The following TOX2 variants were observed in gnomAD, a reference collection of about 807,000 sequenced individuals.
TOX2 encodes granulosa cell HMG box 1.
In TOX2, 15 loss-of-function variants were observed where a neutral mutation model predicts 47.4. The observed-to-expected ratio is 0.32, with a 90% confidence interval of 0.21 to 0.49. TOX2 has a LOEUF of 0.49. Ranked by LOEUF, TOX2 falls within the 20% of genes least tolerant of loss-of-function variation. The pLI is 0.99. For synonymous variants in TOX2, 290 were observed against 296.6 expected (o/e 0.98, Z 0.23); for missense variants, 622 against 673.1 (o/e 0.92, Z 0.84).
At chr20:43,993,478 G>A (rs1274765229) in intron 2 of TOX2, among the ~76,000 whole-genome samples, 1 of 151,852 alleles carries the variant, frequency 6.6e-6, no homozygotes, top group Non-Finnish European at 1.5e-5. Flanking sequence ...GAGAGAGGGA[G>A]GAATTGAACA....
chr20:44,016,943 A>G (rs2070889920), intron 3 of TOX2, among the ~76,000 whole-genome samples: 1 of 152,258 alleles, frequency 6.6e-6, no homozygotes, highest in South Asian at 2.1e-4. Context: ...ACAGAAAACC[A>G]TGATGAACAA....
At chr20:43,967,504 G>A (rs1268780927) in intron 1 of TOX2, among the ~76,000 whole-genome samples, 2 of 151,808 alleles carry the variant, frequency 1.3e-5, no homozygotes, top group Non-Finnish European at 2.9e-5. Context: ...ATCTATCCAC[G>A]CATCCCCAAC....
intron 1 of TOX2, among the ~76,000 whole-genome samples, chr20:43,961,833 C>T (rs1323539410): frequency 1.3e-5 from 2 of 152,022 alleles, no homozygotes; most frequent in Admixed American, 6.6e-5. Flanking sequence ...ACAGCAGAAG[C>T]CCAGAGAAAG....
intron 2 of TOX2, among the ~76,000 whole-genome samples, chr20:44,004,046 A>T (rs2070634696): frequency 6.6e-6 from 1 of 152,226 alleles, no homozygotes. Flanking sequence ...GGATAGTGGC[A>T]GTGGGAAAGA....
chr20:44,045,484 T>C (rs531298333), intron 3 of TOX2, among the ~76,000 whole-genome samples: 2 of 152,330 alleles, frequency 1.3e-5, no homozygotes, highest in East Asian at 3.9e-4. Flanking sequence ...TTTTCCACAC[T>C]GTGTGTATGT....
At chr20:43,969,616 G>A (rs1293167474) in intron 1 of TOX2, among the ~76,000 whole-genome samples, 1 of 152,248 alleles carries the variant, frequency 6.6e-6, no homozygotes, top group African/African-American at 2.4e-5. Flanking sequence ...GCTCCGATGT[G>A]GTGGAACCCT....
At chr20:43,959,212 G>A (rs1180870800) in intron 1 of TOX2, among the ~76,000 whole-genome samples, 1 of 152,220 alleles carries the variant, frequency 6.6e-6, no homozygotes, top group Non-Finnish European at 1.5e-5. Flanking sequence ...ATCTGAGGAC[G>A]AGAGGGGTAA....
intron 1 of TOX2, among the ~76,000 whole-genome samples, chr20:43,959,934 C>T (rs891001313): frequency 1.3e-5 from 2 of 152,188 alleles, no homozygotes; most frequent in Non-Finnish European, 1.5e-5. Flanking sequence ...GGCAGGAGTA[C>T]AGCCTTCTCA....
intron 1 of TOX2, chr20:43,945,984 CGGG>C: frequency 6.2e-7 from 1 of 1,614,130 alleles, no homozygotes; most frequent in Non-Finnish European, 8.5e-7. Context: ...GAATGAGACT[CGGG>C]CTCCTTCTAC....
rs566236616 is a variant in TOX2 at position 43,974,013 on chromosome 20, A to G, written c.165+581A>G. Among the ~76,000 whole-genome samples the G allele has an allele frequency of 2.6e-5, 4 of 152,174 alleles. No homozygotes were observed. The South Asian group carries it at 8.3e-4, about 32-fold the overall frequency. On this transcript the variant is annotated intron_variant, in intron 2 of 8. Transcript: ENST00000341197. ...GGTCATAGTTGCCAGTTGGAATCAG[A>G]TTTTCCACTGAGAGCCTGGTCTCTG...
chr20:44,043,306 G>T (rs376920741), intron 3 of TOX2, among the ~76,000 whole-genome samples: 1 of 152,132 alleles, frequency 6.6e-6, no homozygotes, highest in South Asian at 2.1e-4. Flanking sequence ...CCATATTGTT[G>T]TTGCTGCTGC....
intron 1 of TOX2, chr20:43,945,762 G>T: frequency 8.8e-7 from 1 of 1,137,646 alleles, no homozygotes; most frequent in Non-Finnish European, 1.2e-6. Flanking sequence ...TTTGATAAAA[G>T]AGGTTAAATA....
intron 1 of TOX2, among the ~76,000 whole-genome samples, chr20:43,963,474 C>T (rs779501330): frequency 5.6e-4 from 85 of 152,164 alleles, no homozygotes; most frequent in Non-Finnish European, 9.8e-4. Flanking sequence ...CTCTGGTTCA[C>T]GTGGCTTGGA....
chr20:43,949,751 C>A (rs904113631), intron 1 of TOX2, among the ~76,000 whole-genome samples: 2 of 152,188 alleles, frequency 1.3e-5, no homozygotes, highest in Non-Finnish European at 2.9e-5. Flanking sequence ...TTGCCCCCAC[C>A]GTCTAGCCGC....
chr20:44,024,064 A>G (rs574279889), intron 3 of TOX2, among the ~76,000 whole-genome samples: 6 of 152,256 alleles, frequency 3.9e-5, no homozygotes, highest in South Asian at 2.1e-4. Flanking sequence ...TATTACACTG[A>G]GTTCTCCTGA....
At chr20:43,932,783 C>CGCCCG (rs1555830049) in intron 1 of TOX2, among the ~76,000 whole-genome samples, 3,605 of 149,068 alleles carry the variant, frequency 0.024, 148 homozygotes, top group African/African-American at 0.083. Flanking sequence ...TGCCCCCCCC[C>CGCCCG]GCCATTTCTG....
intron 2 of TOX2, among the ~76,000 whole-genome samples, chr20:43,997,036 G>A (rs150900467): frequency 3.3e-5 from 5 of 152,274 alleles, no homozygotes; most frequent in African/African-American, 1.2e-4. Context: ...GGGAGTGAAT[G>A]CCACTTCTCC....
intron 1 of TOX2, chr20:43,945,955 C>T (rs267605944): frequency 4.4e-5 from 71 of 1,613,876 alleles, no homozygotes; most frequent in South Asian, 5.5e-5. Flanking sequence ...CGCGTTCTCT[C>T]GCTGCCTGGG....
chr20:43,949,549 G>A (rs960492500), intron 1 of TOX2, among the ~76,000 whole-genome samples: 10 of 152,178 alleles, frequency 6.6e-5, no homozygotes, highest in African/African-American at 2.4e-4. Context: ...CAGTCCACAA[G>A]CTAGCTTCTG....
Sources: gnomAD v4.1 joint callset for allele counts (sites outside exome capture counted in the v4.1 genomes callset) on GRCh38, gnomAD v4.1.1 for gene constraint, MANE v1.5 for transcripts, NCBI Gene and HGNC (gene_info 2026-07-23, HGNC 2026-07-21) for gene names.